Variants in MTA3 observed in about 807,000 individuals in gnomAD.
MTA3 encodes metastasis-associated protein MTA3.
Under a neutral mutation model 83.5 loss-of-function variants are expected in MTA3, and 34 were observed. The observed-to-expected ratio is 0.41, with a 90% CI of 0.31 to 0.54. The LOEUF is 0.54. Ranked by LOEUF, MTA3 falls within the 20% of genes least tolerant of loss-of-function variation. The pLI, the probability that MTA3 is intolerant of heterozygous loss-of-function variation, is 0.33. For missense variants in MTA3, 761 were observed against 726.4 expected (o/e 1.05, Z -0.55); for synonymous variants, 303 against 252.7 (o/e 1.20, Z -1.89).
At chr2:42,668,309 G>A (rs76507937) in intron 8 of MTA3, among the ~76,000 whole-genome samples, 1,653 of 152,242 alleles carry the variant, frequency 0.011, 26 homozygotes, top group African/African-American at 0.038. Flanking sequence ...AGCAGTTTAT[G>A]TACCTTCATT....
chr2:42,704,074 C>A, intron 11 of MTA3, 120 bp from the exon 12 acceptor site: 1 of 1,153,932 alleles, frequency 8.7e-7, no homozygotes, highest in Non-Finnish European at 1.2e-6. Context: ...ATTTCTTCTT[C>A]ACACATTTTA....
chr2:42,600,357 A>G (rs955379686), intron 3 of MTA3, among the ~76,000 whole-genome samples: 1 of 152,214 alleles, frequency 6.6e-6, no homozygotes, highest in Non-Finnish European at 1.5e-5. Flanking sequence ...AAGTGAAGTT[A>G]TAATCCTTTA....
At chr2:42,661,346 C>A (rs895781372) in intron 8 of MTA3, among the ~76,000 whole-genome samples, 5 of 151,454 alleles carry the variant, frequency 3.3e-5, no homozygotes, top group African/African-American at 1.2e-4. Context: ...CAAAAAAATA[C>A]AAAAATTAGC....
At chr2:42,604,566 T>A (rs1213081082) in intron 3 of MTA3, among the ~76,000 whole-genome samples, 1 of 71,852 alleles carries the variant, frequency 1.4e-5, no homozygotes, top group Non-Finnish European at 2.4e-5. Context: ...GCTCTGAATG[T>A]TTCTTTTCTT....
intron 2 of MTA3, among the ~76,000 whole-genome samples, chr2:42,552,282 GAAGT>G (rs1184811273): frequency 3.3e-5 from 5 of 152,218 alleles, no homozygotes; most frequent in South Asian, 2.1e-4. Flanking sequence ...CCACAGCCGA[GAAGT>G]AAGGGGAGAG....
At chr2:42,581,692 C>G (rs1052757315) in intron 3 of MTA3, 12 of 213,806 alleles carry the variant, frequency 5.6e-5, no homozygotes, top group Non-Finnish European at 9.6e-5. Context: ...TAGCAACAAC[C>G]TTAGAAGCTA....
chr2:42,675,474 T>A (rs190442440), intron 8 of MTA3, among the ~76,000 whole-genome samples: 42 of 152,308 alleles, frequency 2.8e-4, no homozygotes, highest in Admixed American at 1.8e-3. Context: ...GGTATACATA[T>A]GGTAACATAT....
At chr2:42,616,779 G>C (rs1457177505) in intron 4 of MTA3, among the ~76,000 whole-genome samples, 1 of 151,370 alleles carries the variant, frequency 6.6e-6, no homozygotes, top group Non-Finnish European at 1.5e-5. Flanking sequence ...GGGTTTCGTT[G>C]TGTTGGCCAG....
At chr2:42,534,902 C>A (rs761075298) in intron 2 of MTA3, among the ~76,000 whole-genome samples, 4 of 151,928 alleles carry the variant, frequency 2.6e-5, no homozygotes, top group Non-Finnish European at 4.4e-5. Flanking sequence ...GTTTTACTGG[C>A]GTGAGCCACT....
At chr2:42,561,692 T>C (rs1265026850) in intron 2 of MTA3, among the ~76,000 whole-genome samples, 1 of 57,906 alleles carries the variant, frequency 1.7e-5, no homozygotes, top group Non-Finnish European at 2.9e-5. Context: ...CAAGGTGAGT[T>C]AAACATGTTG....
At chr2:42,524,973 T>A (rs1196107287) in intron 2 of MTA3, among the ~76,000 whole-genome samples, 5 of 143,400 alleles carry the variant, frequency 3.5e-5, no homozygotes, top group South Asian at 2.2e-4. Context: ...TTTTTTTTTT[T>A]ATACTTTAAG....
At chr2:42,725,881 T>G (rs1204890769) in intron 16 of MTA3, among the ~76,000 whole-genome samples, 1 of 152,140 alleles carries the variant, frequency 6.6e-6, no homozygotes, top group African/African-American at 2.4e-5. Context: ...ATCATGGAGC[T>G]GAGAAACAAG....
At position 42,562,573 on chromosome 2, in the gene MTA3, A is replaced by C. The variant is rs530444105; in HGVS notation, c.-140-7864A>C. Among the ~76,000 whole-genome samples, 105 of 152,284 alleles carry C rather than the reference A, an allele frequency of 6.9e-4. 2 individuals are homozygous for C. The highest frequency in any genetic ancestry group is 2.4e-3 in the African/African-American group (99 of 41,540). ...CTTGGTTTCCCGGTCTGCCTTGGGC[A>C]GTGGCTTATGTGGCTCTGCCCACAC... On this transcript the variant is annotated intron_variant, in intron 2 of 17. Coordinates refer to the MTA3 transcript ENST00000405592.
intron 2 of MTA3, among the ~76,000 whole-genome samples, chr2:42,575,404 C>T (rs1678932835): frequency 6.6e-6 from 1 of 152,290 alleles, no homozygotes; most frequent in Non-Finnish European, 1.5e-5. Context: ...TCACTAAATA[C>T]TTGTTGAATT....
rs368241663 is a variant in MTA3, at chr2:42,708,864, G to A, written c.1303-10G>A. 145 of 1,613,322 alleles carry A rather than the reference G, an allele frequency of 9.0e-5. No homozygotes were observed. The highest frequency in any genetic ancestry group is 1.2e-4 in the Non-Finnish European group (137 of 1,179,674). ...CTTCCTTGAGTGTTTGTTGTTTTCT[G>A]ATTTTGCAGGACCCTCGTGTTAGAA... On this transcript the variant is annotated splice_polypyrimidine_tract_variant and intron_variant, in intron 13 of 16. Coordinates refer to ENST00000405094, the MANE Select transcript of MTA3 (RefSeq NM_001330442.2).
rs944295100 is a variant in MTA3 at position 42,756,184 on chromosome 2, G to A, written c.*2785G>A. On this transcript the variant is annotated 3_prime_UTR_variant, in exon 17 of 17. Coordinates refer to ENST00000405094, the MANE Select transcript of MTA3 (RefSeq NM_001330442.2). ...GACTGGCTGGGCACCAGGGGAGGAC[G>A]CGTCACCAGAGCCTGGGGCCAAGGC... 1.4e-5 allele frequency: 4 copies of A among 278,590 alleles called. No homozygotes were observed. Among genetic ancestry groups the A allele is most frequent in the Non-Finnish European group, 2.2e-5 (4 of 183,804 alleles). 17.3% of individuals were successfully genotyped at this position (278,590 alleles called of 1,614,324 possible).
Position 42,755,794 on chromosome 2 carries a change from G to A in MTA3, c.*2395G>A. On this transcript the variant is annotated 3_prime_UTR_variant, in exon 17 of 17. Coordinates refer to ENST00000405094, the MANE Select transcript of MTA3 (RefSeq NM_001330442.2). ...CTGTGGTTCAGTGAGCACATGGGTG[G>A]ACGTGCAGAGACTGTCTGCGCAGCC... 2 of 985,494 alleles carry A rather than the reference G, an allele frequency of 2.0e-6. No individual in the cohort carries two copies. Among genetic ancestry groups the A allele is most frequent in the Non-Finnish European group, 2.4e-6 (2 of 829,978 alleles). 61.0% of individuals were successfully genotyped at this position (985,494 alleles called of 1,614,324 possible). A position where few individuals can be genotyped will look rare whatever the true frequency, so the allele number is the denominator to read the frequency against.
chr2:42,689,895 A>G (rs1007131143), intron 9 of MTA3, among the ~76,000 whole-genome samples: 1 of 145,644 alleles, frequency 6.9e-6, no homozygotes, highest in Middle Eastern at 3.7e-3. Flanking sequence ...TTTCTGTTTC[A>G]GTGATTTCTG....
intron 8 of MTA3, among the ~76,000 whole-genome samples, chr2:42,673,132 G>A (rs927460946): frequency 3.3e-5 from 5 of 151,802 alleles, no homozygotes; most frequent in Non-Finnish European, 7.4e-5. Context: ...GGGATTACAG[G>A]TGTGAGCCAC....
Sources: gnomAD v4.1 joint callset for allele counts (sites outside exome capture counted in the v4.1 genomes callset) on GRCh38, gnomAD v4.1.1 for gene constraint, MANE v1.5 for transcripts, NCBI Gene and HGNC (gene_info 2026-07-23, HGNC 2026-07-21) for gene names.